The following CPB2 variants were observed in gnomAD, a reference collection of about 807,000 sequenced individuals.
CPB2 encodes carboxypeptidase B2.
Under a neutral mutation model 57.0 loss-of-function variants are expected in CPB2, and 54 were observed. The observed-to-expected ratio is 0.95, with a 90% CI of 0.76 to 1.19. The LOEUF (loss-of-function observed/expected upper bound fraction) is 1.19. Among genes scored for constraint, CPB2 ranks in the 50% most tolerant of loss-of-function variants. The probability of loss-of-function intolerance (pLI) is 0.00; values close to 1 mark genes in which losing one functional copy is unlikely to be tolerated. For missense variants in CPB2, 426 were observed against 512.0 expected (o/e 0.83, Z 1.62); for synonymous variants, 189 against 178.1 (o/e 1.06, Z -0.49).
intron 3 of CPB2, 121 bp downstream of exon 3, chr13:46,084,098 G>T: frequency 8.1e-7 from 1 of 1,228,818 alleles, no homozygotes; most frequent in Non-Finnish European, 1.1e-6. Context: ...TCCAGTCAGA[G>T]ACTTCTATGC....
At chr13:46,085,040 C>T (rs1036127151) in intron 2 of CPB2, among the ~76,000 whole-genome samples, 16 of 151,672 alleles carry the variant, frequency 1.1e-4, no homozygotes, top group African/African-American at 3.1e-4. Flanking sequence ...TTAGTAGAGA[C>T]GGGGTTTCAC....
intron 2 of CPB2, among the ~76,000 whole-genome samples, chr13:46,087,326 T>C (rs2045225498): frequency 6.6e-6 from 1 of 152,252 alleles, no homozygotes; most frequent in Non-Finnish European, 1.5e-5. Context: ...CTGCCATTAA[T>C]ATTCTGTAAT....
At chr13:46,076,978 A>G (rs574969680) in intron 5 of CPB2, among the ~76,000 whole-genome samples, 2 of 152,322 alleles carry the variant, frequency 1.3e-5, no homozygotes, top group South Asian at 4.1e-4. Context: ...TAAAACTACT[A>G]GAAGAAAACA....
intron 4 of CPB2, 59 bp downstream of exon 4, chr13:46,082,382 G>A: frequency 3.2e-6 from 3 of 947,508 alleles, no homozygotes; most frequent in Non-Finnish European, 4.8e-6. Context: ...TCCCCTGATT[G>A]AAATGGCAAT....
chr13:46,073,537 T>C (rs2044974571), intron 6 of CPB2: 1 of 902,642 alleles, frequency 1.1e-6, no homozygotes, highest in African/African-American at 2.0e-5. Flanking sequence ...AATAAATTAA[T>C]TGGGCCCCAA....
intron 5 of CPB2, among the ~76,000 whole-genome samples, chr13:46,075,827 A>G (rs181905570): frequency 1.1e-3 from 163 of 152,258 alleles, no homozygotes; most frequent in African/African-American, 3.8e-3. Context: ...ATTTTTTTTA[A>G]GAGAGAGAGG....
In CPB2 at chr13:46,084,215, C is replaced by CT; in HGVS notation, c.275+3dup. 1 of 1,614,124 alleles carries CT rather than the reference C, an allele frequency of 6.2e-7. No individual in the cohort carries two copies. The highest frequency in any genetic ancestry group is 1.1e-5 in the South Asian group (1 of 91,082). ...CTACTCAATACGTATTGAACGGTGCCTACCTGCATGGAATTCCGCTCACAT... is the reference window on the plus strand; with the variant it reads ...CTACTCAATACGTATTGAACGGTGCCTTACCTGCATGGAATTCCGCTCACAT... On this transcript the variant is annotated splice_donor_region_variant and intron_variant, in intron 3 of 10. Transcript: ENST00000181383.
chr13:46,086,566 AG>A (rs930564977), intron 2 of CPB2, among the ~76,000 whole-genome samples: 4 of 152,078 alleles, frequency 2.6e-5, no homozygotes, highest in African/African-American at 9.7e-5. Context: ...GGAGGAAGTG[AG>A]TGCTGATTGG....
intron 1 of CPB2, among the ~76,000 whole-genome samples, chr13:46,093,861 G>A (rs1465390379): frequency 6.6e-6 from 1 of 152,144 alleles, no homozygotes; most frequent in East Asian, 1.9e-4. Context: ...ATTATACCCA[G>A]GGAGGTATAA....
At position 46,053,881 on chromosome 13, in the gene CPB2, A is replaced by G. The variant is rs1057008265; in HGVS notation, c.1088-83T>C. ...TGGGAATTGTTTGATTTAAATGTTT[A>G]TTTGTTTGTATACCTTTAGATTTTT... On this transcript the variant is annotated intron_variant, in intron 10 of 10. Coordinates refer to ENST00000181383, the MANE Select transcript of CPB2 (RefSeq NM_001872.5). 5.7e-5 allele frequency: 76 copies of G among 1,333,366 alleles called. 1 individual carries two copies. Among genetic ancestry groups the G allele is most frequent in the Non-Finnish European group, 7.5e-5 (72 of 963,812 alleles). The allele number at this position is 1,333,366 out of a possible 1,614,324, so 82.6% of individuals were successfully genotyped here. A position where few individuals can be genotyped will look rare whatever the true frequency, so the allele number is the denominator to read the frequency against.
At chr13:46,093,650 GAA>G (rs1477089830) in intron 1 of CPB2, among the ~76,000 whole-genome samples, 1 of 152,034 alleles carries the variant, frequency 6.6e-6, no homozygotes, top group Non-Finnish European at 1.5e-5. Context: ...AAAAAAGTTA[GAA>G]AGATAAAGAA....
intron 9 of CPB2, among the ~76,000 whole-genome samples, chr13:46,057,051 T>C (rs924854732): frequency 2.2e-4 from 33 of 152,054 alleles, no homozygotes; most frequent in African/African-American, 7.7e-4. Context: ...CATAACACAT[T>C]CTCTTAAAGG....
chr13:46,058,222 G>T lies in CPB2; in HGVS notation c.956C>A (p.Pro319Gln), dbSNP rs1482400993. 6 of 1,613,982 alleles carry T rather than the reference G, an allele frequency of 3.7e-6. No individual in the cohort carries two copies. The highest frequency in any genetic ancestry group is 5.1e-6 in the Non-Finnish European group (6 of 1,179,904). ...MHSYSQHIVF[P>Q]YSYTRSKSKD... ...GCTTTTACTTCGTGTATAGGAATAT[G>T]GAAACACTATATGCTGGGAGTATGA... The change falls in exon 9 of 11, where the codon CCA becomes CAA. Residue 319 changes from proline (P) to glutamine (Q), a missense_variant. Coordinates refer to ENST00000181383, the MANE Select transcript of CPB2 (RefSeq NM_001872.5).
intron 8 of CPB2, 50 bp from the exon 9 acceptor site, chr13:46,058,431 G>A (rs753916475): frequency 2.0e-6 from 3 of 1,522,868 alleles, no homozygotes; most frequent in Non-Finnish European, 2.7e-6. Context: ...ACATAGTACT[G>A]TAATTTGTGG....
At chr13:46,073,390 C>T (rs1024305603) in intron 6 of CPB2, 2 of 715,002 alleles carry the variant, frequency 2.8e-6, no homozygotes, top group African/African-American at 3.9e-5. Flanking sequence ...ATGCAAAACC[C>T]TTCTTCAGGA....
chr13:46,067,321 A>G lies in CPB2; in HGVS notation c.688T>C (p.Tyr230His). 1 of 1,527,600 alleles carries G rather than the reference A, an allele frequency of 6.5e-7. No individual in the cohort carries two copies. Among genetic ancestry groups the G allele is most frequent in the Non-Finnish European group, 9.1e-7 (1 of 1,102,190 alleles). The allele number at this position is 1,527,600 out of a possible 1,614,324, so 94.6% of individuals were successfully genotyped here. The change falls in exon 7 of 11, where the codon TAC becomes CAC. Residue 230 changes from tyrosine to histidine, a missense_variant. Physicochemically the swap from Tyr to His is moderately conservative, Grantham distance 83 (BLOSUM62 2). Coordinates refer to ENST00000181383, the MANE Select transcript of CPB2 (RefSeq NM_001872.5). ...TTTTCTCCTACCTTTTTCCATGAGTAGTCATAACCATCCACATTAACCACT... is the reference window on the plus strand; with the variant it reads ...TTTTCTCCTACCTTTTTCCATGAGTGGTCATAACCATCCACATTAACCACT... ...MPVVNVDGYD[Y>H]SWKKNRMWRK...
intron 1 of CPB2, among the ~76,000 whole-genome samples, chr13:46,095,340 C>A (rs2139419217): frequency 6.6e-6 from 1 of 152,146 alleles, no homozygotes; most frequent in Middle Eastern, 3.4e-3. Context: ...AAAAATTCAT[C>A]CTTGAGGGGA....
chr13:46,057,062 G>A (rs555737895), intron 9 of CPB2, among the ~76,000 whole-genome samples: 70 of 152,052 alleles, frequency 4.6e-4, no homozygotes, highest in Non-Finnish European at 8.2e-4. Context: ...CTCTTAAAGG[G>A]CAGGATTTTA....
intron 6 of CPB2, 63 bp from the exon 7 acceptor site, chr13:46,067,480 C>A (rs1206357477): frequency 3.6e-6 from 3 of 836,228 alleles, no homozygotes; most frequent in Middle Eastern, 2.3e-4. Context: ...TAGTGTGTTT[C>A]TTTTTCTTTT....
Sources: allele counts gnomAD v4.1 joint callset (sites outside exome capture counted in the v4.1 genomes callset), GRCh38; gene constraint gnomAD v4.1.1; transcripts MANE v1.5; gene names NCBI Gene and HGNC (gene_info 2026-07-23, HGNC 2026-07-21).